The following ST6GAL1 variants were observed in gnomAD, a reference collection of about 807,000 sequenced individuals.
The protein encoded by ST6GAL1 is ST6 beta-galactoside alpha-2,6-sialyltransferase 1, also known as beta-galactoside alpha-2,6-sialyltransferase 1.
In ST6GAL1, 20 loss-of-function variants were observed where a neutral mutation model predicts 38.0. The ratio of observed to expected loss-of-function variants is 0.53; its 90% CI spans 0.37 to 0.77. The LOEUF (loss-of-function observed/expected upper bound fraction) is 0.77. Among genes scored for constraint, ST6GAL1 ranks in the 30% least tolerant of loss-of-function variants. ST6GAL1 has a pLI of 0.00. For synonymous variants in ST6GAL1, 196 were observed against 188.2 expected, an observed-to-expected ratio of 1.04 and a Z score of -0.34; for missense variants, 432 against 496.4, an observed-to-expected ratio of 0.87 and a Z score of 1.23.
intron 2 of ST6GAL1, among the ~76,000 whole-genome samples, chr3:187,016,471 A>G (rs1426846832): frequency 6.6e-6 from 1 of 152,176 alleles, no homozygotes; most frequent in Non-Finnish European, 1.5e-5. Context: ...GGATCTGAGA[A>G]GCTTCCTCCA....
chr3:187,007,119 G>A (rs113456977), intron 2 of ST6GAL1, among the ~76,000 whole-genome samples: 1 of 152,176 alleles, frequency 6.6e-6, no homozygotes, highest in Non-Finnish European at 1.5e-5. Flanking sequence ...AGAGTACTGG[G>A]TTCAAAACTT....
At chr3:187,046,240 G>A (rs376143670) in intron 4 of ST6GAL1, among the ~76,000 whole-genome samples, 1 of 152,198 alleles carries the variant, frequency 6.6e-6, no homozygotes, top group East Asian at 1.9e-4. Context: ...TATCTAGCTG[G>A]AAATGATCTT....
At chr3:187,016,973 A>G (rs1717137219) in intron 2 of ST6GAL1, among the ~76,000 whole-genome samples, 1 of 152,216 alleles carries the variant, frequency 6.6e-6, no homozygotes, top group South Asian at 2.1e-4. Context: ...TTGGCCTACT[A>G]ATCAATGTGA....
intron 2 of ST6GAL1, among the ~76,000 whole-genome samples, chr3:186,987,170 GAA>G (rs1715958003): frequency 2.3e-5 from 2 of 88,226 alleles, no homozygotes; most frequent in African/African-American, 8.9e-5. Context: ...GGAAGAAAGA[GAA>G]AGAGAGACAG....
At chr3:186,992,850 A>G (rs1042308260) in intron 2 of ST6GAL1, among the ~76,000 whole-genome samples, 4 of 152,170 alleles carry the variant, frequency 2.6e-5, no homozygotes, top group African/African-American at 9.7e-5. Context: ...AGAAAAGCAA[A>G]TTAGACGTGG....
chr3:187,016,915 C>A (rs1450589971), intron 2 of ST6GAL1, among the ~76,000 whole-genome samples: 1 of 152,206 alleles, frequency 6.6e-6, no homozygotes, highest in Non-Finnish European at 1.5e-5. Context: ...GAAAGGCCCA[C>A]CTCAATGCAA....
At chr3:187,025,935 G>C (rs1357640765) in intron 2 of ST6GAL1, among the ~76,000 whole-genome samples, 1 of 152,216 alleles carries the variant, frequency 6.6e-6, no homozygotes, top group Non-Finnish European at 1.5e-5. Flanking sequence ...GCTGGGAAAA[G>C]ATGTAATCTC....
chr3:187,021,231 G>A (rs1717286995), intron 2 of ST6GAL1, among the ~76,000 whole-genome samples: 1 of 152,102 alleles, frequency 6.6e-6, no homozygotes, highest in African/African-American at 2.4e-5. Context: ...CAAAGTGCTG[G>A]GAATACAGGC....
At chr3:187,048,625 G>A (rs1579357974) in intron 4 of ST6GAL1, among the ~76,000 whole-genome samples, 1 of 152,158 alleles carries the variant, frequency 6.6e-6, no homozygotes, top group Non-Finnish European at 1.5e-5. Context: ...TGTCCGTGCA[G>A]TAGAATGTAA....
chr3:186,942,072 AG>A (rs929300057), intron 1 of ST6GAL1, among the ~76,000 whole-genome samples: 3 of 151,990 alleles, frequency 2.0e-5, no homozygotes, highest in African/African-American at 7.3e-5. Flanking sequence ...TGCATTGCAG[AG>A]GGGTTGACCT....
At chr3:186,979,719 C>T (rs1270314449) in intron 2 of ST6GAL1, among the ~76,000 whole-genome samples, 1 of 152,156 alleles carries the variant, frequency 6.6e-6, no homozygotes, top group African/African-American at 2.4e-5. Context: ...CCACCGGGCC[C>T]CCTGCCTGTT....
chr3:187,047,347 G>A (rs4686844), intron 4 of ST6GAL1, among the ~76,000 whole-genome samples: 102,247 of 151,790 alleles, frequency 0.67, 35,507 homozygotes, highest in African/African-American at 0.86. Flanking sequence ...GGATGTATTA[G>A]GCTAACTTGA....
chr3:187,022,154 T>A (rs1717331791), intron 2 of ST6GAL1: 1 of 152,348 alleles, frequency 6.6e-6, no homozygotes, highest in Admixed American at 6.5e-5. Flanking sequence ...TCTTGGACAC[T>A]AAGCCCTCAA....
At chr3:187,021,758 AAAAC>A (rs1307883482) in intron 2 of ST6GAL1, 1 of 151,992 alleles carries the variant, frequency 6.6e-6, no homozygotes, top group Non-Finnish European at 1.5e-5. Context: ...AAAAAAAAAA[AAAAC>A]CTTCCCATGA....
intron 4 of ST6GAL1, among the ~76,000 whole-genome samples, chr3:187,046,394 C>T (rs956905324): frequency 2.6e-5 from 4 of 152,078 alleles, no homozygotes; most frequent in African/African-American, 7.2e-5. Context: ...GATATCTATG[C>T]TGTTGAGTAC....
chr3:186,962,436 G>A (rs1295833056), intron 1 of ST6GAL1, among the ~76,000 whole-genome samples: 1 of 152,212 alleles, frequency 6.6e-6, no homozygotes, highest in Non-Finnish European at 1.5e-5. Context: ...CATGAAAAAT[G>A]AAAAGTCAGA....
chr3:186,974,827 A>T (rs191738532), intron 2 of ST6GAL1: 1 of 152,248 alleles, frequency 6.6e-6, no homozygotes, highest in East Asian at 1.9e-4. Flanking sequence ...TCCACTGTCA[A>T]GTGTAGCCTA....
chr3:186,976,001 G>C (rs1055308282), intron 2 of ST6GAL1, among the ~76,000 whole-genome samples: 5 of 152,130 alleles, frequency 3.3e-5, no homozygotes, highest in Admixed American at 6.6e-5. Context: ...AACTGCTCGG[G>C]ACCCACTGGT....
At chr3:187,012,692 A>T (rs1438769150) in intron 2 of ST6GAL1, among the ~76,000 whole-genome samples, 1 of 152,230 alleles carries the variant, frequency 6.6e-6, no homozygotes, top group African/African-American at 2.4e-5. Flanking sequence ...ATTTCTCCTG[A>T]AATCAAGACT....
Sources: allele counts gnomAD v4.1 joint callset (sites outside exome capture counted in the v4.1 genomes callset), GRCh38; gene constraint gnomAD v4.1.1; transcripts MANE v1.5; gene names NCBI Gene and HGNC (gene_info 2026-07-23, HGNC 2026-07-21).